CIROZ: variants seen among roughly 807,000 people sequenced by gnomAD.
The protein encoded by CIROZ is ciliated left-right organizer protein containing ZP-N domains.
At chr1:10,963,077 G>A in the CIROZ span, among the ~76,000 whole-genome samples, 1 of 146,896 alleles carries the variant, frequency 6.8e-6, no homozygotes, top group African/African-American at 2.6e-5. Context: ...CCTGCGTGAC[G>A]GAGCAAGATC....
chr1:10,977,732 T>C, the CIROZ span, among the ~76,000 whole-genome samples: 1 of 152,174 alleles, frequency 6.6e-6, no homozygotes, highest in African/African-American at 2.4e-5. Context: ...TGCCATAGGT[T>C]CTCTATGACT....
At chr1:10,958,559 C>T in the CIROZ span, among the ~76,000 whole-genome samples, 35 of 152,302 alleles carry the variant, frequency 2.3e-4, no homozygotes, top group Non-Finnish European at 4.1e-4. Context: ...AAACTTCAGC[C>T]GGCAAGACCT....
chr1:10,972,056 AG>A, the CIROZ span, among the ~76,000 whole-genome samples: 917 of 152,362 alleles, frequency 6.0e-3, 12 homozygotes, highest in African/African-American at 0.021. Context: ...GCATCCACAG[AG>A]GCGTGCTAAA....
the CIROZ span, chr1:10,949,565 T>A: frequency 6.5e-7 from 1 of 1,549,974 alleles, no homozygotes. Context: ...TACCGATACT[T>A]CTTGGGGACC....
the CIROZ span, among the ~76,000 whole-genome samples, chr1:10,951,730 T>TAAAAAAAAAA: frequency 1.6e-4 from 20 of 125,326 alleles, no homozygotes; most frequent in East Asian, 1.1e-3. Flanking sequence ...GTCTCTTATT[T>TAAAAAAAAAA]AAAAAAAAAA....
chr1:10,966,722 G>C, the CIROZ span, among the ~76,000 whole-genome samples: 1 of 152,102 alleles, frequency 6.6e-6, no homozygotes, highest in Non-Finnish European at 1.5e-5. Context: ...TGAATCCTCG[G>C]CTTGTGTCAT....
At chr1:10,966,337 AG>A in the CIROZ span, 7 of 1,497,778 alleles carry the variant, frequency 4.7e-6, no homozygotes, top group South Asian at 2.6e-5. Flanking sequence ...AAAAAAAAAA[AG>A]AAAAGTTTCC....
At chr1:10,964,366 G>A in the CIROZ span, 1 of 1,393,338 alleles carries the variant, frequency 7.2e-7, no homozygotes. Flanking sequence ...CAGCAAATAG[G>A]ACACCATGAA....
the CIROZ span, chr1:10,949,794 C>A: frequency 6.4e-7 from 1 of 1,567,652 alleles, no homozygotes. Flanking sequence ...GCAGTTGAGG[C>A]AGGCGACTCT....
At chr1:10,954,918 T>C in the CIROZ span, 3 of 1,463,140 alleles carry the variant, frequency 2.1e-6, no homozygotes, top group Non-Finnish European at 1.9e-6. Context: ...TGACCACATA[T>C]GGCATCGGTG....
the CIROZ span, chr1:10,976,182 G>A: frequency 1.3e-6 from 2 of 1,536,880 alleles, no homozygotes. Context: ...TGCAGAGCTT[G>A]GCTTGTCCGT....
chr1:10,980,814 G>A, the CIROZ span, among the ~76,000 whole-genome samples: 1 of 152,180 alleles, frequency 6.6e-6, no homozygotes, highest in Non-Finnish European at 1.5e-5. Context: ...ATCCCAGTCT[G>A]GGGGGAGACA....
chr1:10,978,967 A>C, the CIROZ span, among the ~76,000 whole-genome samples: 1 of 149,156 alleles, frequency 6.7e-6, no homozygotes, highest in Non-Finnish European at 1.5e-5. Context: ...GGAGAACTCT[A>C]AGCAGGGAAG....
the CIROZ span, among the ~76,000 whole-genome samples, chr1:10,974,405 A>T: frequency 6.6e-6 from 1 of 152,076 alleles, no homozygotes; most frequent in East Asian, 1.9e-4. The surrounding 1 kb of genome is among the most constrained non-coding windows in gnomAD (Gnocchi z 4.4). Context: ...GTGGGCAGAG[A>T]AAAGCTAACC....
At chr1:10,966,506 C>A in the CIROZ span, 1 of 1,524,436 alleles carries the variant, frequency 6.6e-7, no homozygotes, top group African/African-American at 1.4e-5. Context: ...GGGACAGAAA[C>A]GTGGGTTGAG....
the CIROZ span, chr1:10,976,131 A>T: frequency 1.3e-6 from 2 of 1,528,972 alleles, no homozygotes; most frequent in Non-Finnish European, 1.8e-6. Flanking sequence ...GCCTGATGCC[A>T]ACCATAAAAG....
the CIROZ span, among the ~76,000 whole-genome samples, chr1:10,965,188 G>A: frequency 1.3e-5 from 2 of 151,766 alleles, no homozygotes; most frequent in African/African-American, 4.8e-5. Context: ...GAAGGGTGAC[G>A]GGGCTGTCAG....
chr1:10,954,838 C>T, the CIROZ span: 23 of 779,484 alleles, frequency 3.0e-5, no homozygotes, highest in Middle Eastern at 4.0e-4. Context: ...AGTGACGCTC[C>T]GGCCTCGGCT....
At chr1:10,951,730 T>TAAA in the CIROZ span, among the ~76,000 whole-genome samples, 8 of 125,380 alleles carry the variant, frequency 6.4e-5, no homozygotes, top group African/African-American at 2.0e-4. Context: ...GTCTCTTATT[T>TAAA]AAAAAAAAAA....
Sources: allele counts gnomAD v4.1 joint callset (sites outside exome capture counted in the v4.1 genomes callset), GRCh38; gene constraint gnomAD v4.1.1; non-coding constraint Gnocchi (gnomAD v3.1); transcripts MANE v1.5; gene names NCBI Gene and HGNC (gene_info 2026-07-23, HGNC 2026-07-21).